The following CFAP47 variants were observed in gnomAD, a reference collection of about 807,000 sequenced individuals.
The protein encoded by CFAP47 is cilia and flagella associated protein 47.
Under a neutral mutation model 148.1 loss-of-function variants are expected in CFAP47, and 29 were observed. The observed-to-expected ratio is 0.20, with a 90% CI of 0.15 to 0.27. CFAP47 has a LOEUF of 0.27. CFAP47 is among the 10% of genes least tolerant of loss of function. The pLI is 1.00. For synonymous variants in CFAP47, 664 were observed against 577.3 expected (o/e 1.15, Z -2.15); for missense variants, 1,872 against 1,697.5 (o/e 1.10, Z -1.81).
intron 15 of CFAP47, among the ~76,000 whole-genome samples, chrX:35,976,744 ATTAC>A (rs1457817901): frequency 2.7e-5 from 3 of 112,159 alleles, no homozygotes; most frequent in Non-Finnish European, 5.6e-5. Flanking sequence ...AGATCTAGAA[ATTAC>A]TTATAGCCAA....
chrX:36,009,032 T>G (rs1210036485), intron 21 of CFAP47, among the ~76,000 whole-genome samples: 1 of 110,937 alleles, frequency 9.0e-6, no homozygotes, highest in African/African-American at 3.3e-5. Flanking sequence ...TTCCTTTTTC[T>G]TCACATTTCT....
intron 35 of CFAP47, among the ~76,000 whole-genome samples, chrX:36,143,554 C>G (rs2146836166): frequency 8.9e-6 from 1 of 111,844 alleles, no homozygotes; most frequent in East Asian, 2.8e-4. Flanking sequence ...TATATTGACA[C>G]TGACAGAGTT....
intron 51 of CFAP47, among the ~76,000 whole-genome samples, chrX:36,297,423 A>G (rs920881754): frequency 1.8e-5 from 2 of 112,562 alleles, no homozygotes; most frequent in Non-Finnish European, 3.8e-5. Context: ...CCAAGCTTTG[A>G]TTTATAATTG....
chrX:36,140,287 A>G (rs182563808), intron 35 of CFAP47, among the ~76,000 whole-genome samples: 1 of 111,678 alleles, frequency 9.0e-6, no homozygotes, highest in East Asian at 2.8e-4. Context: ...TTTGCACAGA[A>G]CACTTAGAGT....
rs1333831778 is a variant in CFAP47, at chrX:36,038,984, A to G, written c.3812A>G (p.Asn1271Ser). ...ACCCTTAAAATTTGTTTTTCATTAG[A>G]TCGTCCTGGGACATACACAGCAGAT... ...KYNVSISFCPNRPGTYTADIP... is the reference protein window; with the variant it reads ...KYNVSISFCPSRPGTYTADIP... Residue 1271 changes from asparagine to serine, a missense_variant and splice_region_variant, in exon 25 of 64, where the codon AAT becomes AGT. Transcript: ENST00000378653. 3.0e-6 allele frequency: 3 copies of G among 1,007,404 alleles called. No homozygotes were observed. The Admixed American group carries it at 1.4e-4, about 45-fold the overall frequency. 83.0% of individuals were successfully genotyped at this position (1,007,404 alleles called of 1,213,427 possible). A position where few individuals can be genotyped will look rare whatever the true frequency, so the allele number is the denominator to read the frequency against.
chrX:36,038,444 T>C (rs1482501398), intron 24 of CFAP47, among the ~76,000 whole-genome samples: 1 of 112,374 alleles, frequency 8.9e-6, no homozygotes, highest in East Asian at 2.8e-4. Flanking sequence ...CTATCTTTTC[T>C]CTTATTAAGC....
chrX:36,121,530 A>G (rs1938743827), intron 33 of CFAP47, among the ~76,000 whole-genome samples: 1 of 110,384 alleles, frequency 9.1e-6, no homozygotes, highest in Non-Finnish European at 1.9e-5. Context: ...TTGTGTATCC[A>G]TTGCATGTTT....
chrX:36,046,095 T>G (rs1256646957), intron 25 of CFAP47, among the ~76,000 whole-genome samples: 9 of 111,090 alleles, frequency 8.1e-5, no homozygotes, highest in Non-Finnish European at 1.7e-4. Flanking sequence ...TTTTTCTTAT[T>G]AGCTAAATAG....
chrX:36,014,932 C>A lies in CFAP47; in HGVS notation c.3556+20C>A. ...CTACTGGTATGTAATATAAAATAAT[C>A]AATTGGTGTGGGTAGGCCAAAGATT... On this transcript the variant is annotated intron_variant, in intron 22 of 63. Transcript: ENST00000378653. 3.4e-6 allele frequency: 1 copy of A among 291,186 alleles called. No individual in the cohort carries two copies. The highest frequency in any genetic ancestry group is 2.0e-4 in the South Asian group (1 of 4,882). The allele number at this position is 291,186 out of a possible 1,213,427, so 24.0% of individuals were successfully genotyped here.
chrX:36,319,730 T>C (rs1556011698), intron 57 of CFAP47, among the ~76,000 whole-genome samples: 1 of 111,440 alleles, frequency 9.0e-6, no homozygotes, highest in South Asian at 3.8e-4. Context: ...GTATCAGTAG[T>C]TTCAACTACT....
chrX:35,958,214 T>C (rs898039405), intron 8 of CFAP47, among the ~76,000 whole-genome samples: 15 of 112,006 alleles, frequency 1.3e-4, no homozygotes, highest in African/African-American at 4.9e-4. Context: ...GTATTAGTGC[T>C]TCATTTTTAT....
At chrX:36,142,987 G>A (rs1051449448) in intron 35 of CFAP47, among the ~76,000 whole-genome samples, 3 of 111,039 alleles carry the variant, frequency 2.7e-5, no homozygotes, top group Non-Finnish European at 5.7e-5. Context: ...TACCTTCTTA[G>A]GCTTCAAAAG....
chrX:36,018,512 G>A (rs750335980), intron 22 of CFAP47, among the ~76,000 whole-genome samples: 1 of 111,828 alleles, frequency 8.9e-6, no homozygotes, highest in East Asian at 2.8e-4. Flanking sequence ...TTGAGGAATT[G>A]TCCTTCTATC....
At chrX:35,936,840 T>C (rs999862669) in intron 2 of CFAP47, among the ~76,000 whole-genome samples, 5 of 110,117 alleles carry the variant, frequency 4.5e-5, no homozygotes, top group Non-Finnish European at 9.5e-5. Flanking sequence ...CATTTTTTTT[T>C]CCCAGGCCTG....
intron 46 of CFAP47, among the ~76,000 whole-genome samples, chrX:36,234,301 G>T (rs1347090771): frequency 3.6e-5 from 4 of 110,806 alleles, no homozygotes; most frequent in African/African-American, 1.3e-4. Context: ...TTTCTTGGAG[G>T]CTTTGTTCAT....
At chrX:35,982,337 C>A (rs889603695) in intron 15 of CFAP47, among the ~76,000 whole-genome samples, 1 of 111,253 alleles carries the variant, frequency 9.0e-6, no homozygotes, top group African/African-American at 3.3e-5. Flanking sequence ...TGTTCATATC[C>A]TTTGCCCATT....
At chrX:36,148,897 A>ATGTGTGTG (rs1222257025) in intron 36 of CFAP47, among the ~76,000 whole-genome samples, 11 of 76,410 alleles carry the variant, frequency 1.4e-4, no homozygotes, top group South Asian at 6.3e-4. Flanking sequence ...GCTAAACTGT[A>ATGTGTGTG]TGTATGTGTG....
In CFAP47 at chrX:35,919,776, TTTCTGGCTA is replaced by T; in HGVS notation, c.-23_-15del. 8.4e-7 allele frequency: 1 copy of T among 1,189,308 alleles called. No homozygotes were observed. The highest frequency in any genetic ancestry group is 1.1e-6 in the Non-Finnish European group (1 of 881,976). ...CTTGGCCGGACGGATCCACATCTGT[TTTCTGGCTA>T]CCGAGAGGGCAGCCATGAACACCCA... On this transcript the variant is annotated 5_prime_UTR_variant, in exon 1 of 64. Coordinates refer to ENST00000378653, the MANE Select transcript of CFAP47 (RefSeq NM_001304548.2).
chrX:36,335,017 C>T (rs112187653), intron 57 of CFAP47, among the ~76,000 whole-genome samples: 4,321 of 110,669 alleles, frequency 0.039, 238 homozygotes, highest in African/African-American at 0.13. Context: ...TAGTCATTCT[C>T]AAGTTTTTAA....
Sources: gnomAD v4.1 joint callset for allele counts (sites outside exome capture counted in the v4.1 genomes callset) on GRCh38, gnomAD v4.1.1 for gene constraint, MANE v1.5 for transcripts, NCBI Gene and HGNC (gene_info 2026-07-23, HGNC 2026-07-21) for gene names.